The following SPAG9 variants were observed in gnomAD, a reference collection of about 807,000 sequenced individuals.
The protein encoded by SPAG9 is sperm associated antigen 9.
SPAG9 carries 35 observed loss-of-function variants against 166.5 expected under a neutral mutation model. That is an observed-to-expected ratio of 0.21 (90% CI 0.16 to 0.28). SPAG9 has a LOEUF of 0.28. Ranked by LOEUF, SPAG9 falls within the 10% of genes least tolerant of loss-of-function variation. SPAG9 has a pLI of 1.00. For synonymous variants in SPAG9, 534 were observed against 565.5 expected, an observed-to-expected ratio of 0.94 and a Z score of 0.79; for missense variants, 1,235 against 1,603.3, an observed-to-expected ratio of 0.77 and a Z score of 3.92.
At chr17:51,107,463 A>G (rs970995763) in intron 1 of SPAG9, among the ~76,000 whole-genome samples, 60 of 151,684 alleles carry the variant, frequency 4.0e-4, no homozygotes, top group African/African-American at 1.4e-3. Context: ...TAATAGTCAG[A>G]CACGGTGGCT....
intron 1 of SPAG9, among the ~76,000 whole-genome samples, chr17:51,084,768 T>TA (rs1180303024): frequency 2.0e-5 from 3 of 152,096 alleles, no homozygotes; most frequent in South Asian, 4.1e-4. Context: ...TTAAAGAACA[T>TA]ACAGCATTAT....
At chr17:51,059,276 C>T (rs915200333) in intron 2 of SPAG9, among the ~76,000 whole-genome samples, 1 of 152,122 alleles carries the variant, frequency 6.6e-6, no homozygotes. Flanking sequence ...AGTTCAAACA[C>T]GATGTGCATC....
intron 1 of SPAG9, among the ~76,000 whole-genome samples, chr17:51,106,598 A>T (rs1322137867): frequency 6.6e-6 from 1 of 151,928 alleles, no homozygotes; most frequent in African/African-American, 2.4e-5. Flanking sequence ...GGAATTCAAG[A>T]CCAGCCTGGC....
intron 9 of SPAG9, among the ~76,000 whole-genome samples, chr17:51,011,642 CAA>C (rs1365817801): frequency 6.6e-6 from 1 of 152,108 alleles, no homozygotes; most frequent in South Asian, 2.1e-4. Flanking sequence ...CTCGGTCTCC[CAA>C]AGAGCTGGGA....
At chr17:51,064,859 G>A (rs565808760) in intron 2 of SPAG9, among the ~76,000 whole-genome samples, 1 of 152,144 alleles carries the variant, frequency 6.6e-6, no homozygotes, top group South Asian at 2.1e-4. Context: ...CGGTGGCTCA[G>A]GCCTGTAATC....
At chr17:51,027,434 CAAA>C (rs560398446) in intron 6 of SPAG9, among the ~76,000 whole-genome samples, 7 of 111,132 alleles carry the variant, frequency 6.3e-5, no homozygotes, top group Non-Finnish European at 9.7e-5. Context: ...GACCTTGTCT[CAAA>C]AAAAAAAAAA....
intron 2 of SPAG9, among the ~76,000 whole-genome samples, chr17:51,072,108 A>T (rs2047835557): frequency 6.6e-6 from 1 of 151,946 alleles, no homozygotes; most frequent in Non-Finnish European, 1.5e-5. Context: ...GTCTTGCTTT[A>T]TTGCCCAGGC....
At chr17:51,108,531 T>C (rs1055975382) in intron 1 of SPAG9, among the ~76,000 whole-genome samples, 8 of 151,992 alleles carry the variant, frequency 5.3e-5, no homozygotes, top group African/African-American at 1.7e-4. Context: ...CCAGAGCAAG[T>C]GGTGCTGTGT....
intron 21 of SPAG9, 93 bp downstream of exon 21, chr17:50,989,584 T>C: frequency 1.1e-6 from 1 of 946,024 alleles, no homozygotes; most frequent in Non-Finnish European, 1.7e-6. Flanking sequence ...GTGACACTAA[T>C]TAGTGGAAAT....
chr17:51,074,623 A>ATT (rs1236367696), intron 2 of SPAG9, among the ~76,000 whole-genome samples: 1 of 152,208 alleles, frequency 6.6e-6, no homozygotes, highest in Non-Finnish European at 1.5e-5. Context: ...TTTAGATCAA[A>ATT]TTAAGCTCAA....
At chr17:50,967,633 G>A (rs961097201) in intron 29 of SPAG9, among the ~76,000 whole-genome samples, 3 of 152,116 alleles carry the variant, frequency 2.0e-5, no homozygotes, top group Admixed American at 6.5e-5. Flanking sequence ...AAAGGCTGTC[G>A]CCATTTCTCT....
chr17:51,102,387 G>A (rs1334519546), intron 1 of SPAG9, among the ~76,000 whole-genome samples: 2 of 147,894 alleles, frequency 1.4e-5, no homozygotes, highest in African/African-American at 5.0e-5. Context: ...CTGGGTGACA[G>A]TGTGAGACTC....
chr17:51,037,797 C>T (rs1185438361), intron 5 of SPAG9, among the ~76,000 whole-genome samples: 1 of 150,052 alleles, frequency 6.7e-6, no homozygotes, highest in Non-Finnish European at 1.5e-5. Flanking sequence ...AACTCCTGGA[C>T]TCAAGTGATC....
chr17:51,098,796 G>A (rs1232099795), intron 1 of SPAG9, among the ~76,000 whole-genome samples: 1 of 151,604 alleles, frequency 6.6e-6, no homozygotes, highest in Non-Finnish European at 1.5e-5. Flanking sequence ...CCAGCCGGAT[G>A]GGTTTAAAGA....
chr17:51,011,619 G>C (rs2045488221), intron 9 of SPAG9, among the ~76,000 whole-genome samples: 2 of 152,100 alleles, frequency 1.3e-5, no homozygotes. Context: ...CTGACCTCAG[G>C]TGATCTGCCC....
chr17:51,034,026 G>T (rs898580192), intron 5 of SPAG9, among the ~76,000 whole-genome samples: 1 of 152,124 alleles, frequency 6.6e-6, no homozygotes, highest in Non-Finnish European at 1.5e-5. Flanking sequence ...CAACACAATA[G>T]AATCTTTACC....
chr17:51,066,570 A>AAAAAAAAAAAAAAAAAAAAAAAC (rs2047675979), intron 2 of SPAG9, among the ~76,000 whole-genome samples: 1 of 148,996 alleles, frequency 6.7e-6, no homozygotes, highest in Non-Finnish European at 1.5e-5. Flanking sequence ...AAAAAAAGAA[A>AAAAAAAAAAAAAAAAAAAAAAAC]AAAAAAAAAA....
chr17:50,981,807 G>A (rs552750729), intron 25 of SPAG9, among the ~76,000 whole-genome samples: 10 of 151,616 alleles, frequency 6.6e-5, no homozygotes, highest in Non-Finnish European at 2.9e-5. Context: ...CAAGGTGGGC[G>A]GATCACGAGG....
At chr17:50,991,784 T>G (rs1975571719) in intron 19 of SPAG9, among the ~76,000 whole-genome samples, 1 of 151,868 alleles carries the variant, frequency 6.6e-6, no homozygotes, top group East Asian at 1.9e-4. Context: ...CCACTGCACC[T>G]GGCTAATTTT....
Sources: gnomAD v4.1 joint callset for allele counts (sites outside exome capture counted in the v4.1 genomes callset) on GRCh38, gnomAD v4.1.1 for gene constraint, MANE v1.5 for transcripts, NCBI Gene and HGNC (gene_info 2026-07-23, HGNC 2026-07-21) for gene names.